Variants in GUK1 observed in about 807,000 individuals in gnomAD.
GUK1 encodes guanylate kinase.
In GUK1, 18 loss-of-function variants were observed where a neutral mutation model predicts 25.2. The observed-to-expected ratio is 0.71, with a 90% CI of 0.49 to 1.06. The LOEUF is 1.06. Among genes scored for constraint, GUK1 ranks in the 50% least tolerant of loss-of-function variants. The pLI, the probability that GUK1 is intolerant of heterozygous loss-of-function variation, is 0.00. For synonymous variants in GUK1, 105 were observed against 117.6 expected, an observed-to-expected ratio of 0.89 and a Z score of 0.69; for missense variants, 261 against 276.7, an observed-to-expected ratio of 0.94 and a Z score of 0.40.
intron 2 of GUK1, among the ~76,000 whole-genome samples, chr1:228,143,885 A>G (rs562520575): frequency 1.3e-5 from 2 of 152,152 alleles, no homozygotes; most frequent in South Asian, 4.2e-4. Flanking sequence ...GGCAGTAAGG[A>G]GGGAGGAGTC....
intron 4 of GUK1, chr1:228,146,537 C>G: frequency 2.1e-6 from 1 of 485,894 alleles, no homozygotes; most frequent in Non-Finnish European, 3.8e-6. Flanking sequence ...CCAGTTCCCC[C>G]ACCACCTTCC....
intron 7 of GUK1, 114 bp from the exon 7 acceptor site, chr1:228,148,257 C>T: frequency 1.2e-6 from 1 of 811,174 alleles, no homozygotes; most frequent in Non-Finnish European, 2.1e-6. Flanking sequence ...GGAAAGCTGT[C>T]CCACAGCCGC....
At chr1:228,146,995 C>T in intron 5 of GUK1, 57 bp downstream of exon 4, 1 of 1,119,386 alleles carries the variant, frequency 8.9e-7, no homozygotes, top group Non-Finnish European at 1.4e-6. Flanking sequence ...AACAGGGATC[C>T]AGGTAGTGCC....
intron 3 of GUK1, 145 bp from the exon 3 acceptor site, chr1:228,145,881 T>C (rs556124136): frequency 2.7e-6 from 2 of 744,530 alleles, no homozygotes; most frequent in East Asian, 2.6e-5. Context: ...AACCCTCGCC[T>C]TGTAGGCTCC....
rs2034027489 is a variant in GUK1 at position 228,141,283 on chromosome 1, CAGGAGGTAA to C, written c.-3_-3+8del. ...TGGCTCTGGAAGAGCCCGATTTCCT[CAGGAGGTAA>C]AGGAATGTTCCTGTCCCCCCCGGGG... On this transcript the variant is annotated splice_donor_variant and splice_donor_region_variant and 5_prime_UTR_variant and intron_variant, in exon 2 of 9. Transcript: ENST00000312726. LOFTEE classifies it low-confidence loss of function (5UTR_SPLICE). 1 of 982,170 alleles carries C rather than the reference CAGGAGGTAA, an allele frequency of 1.0e-6. No individual in the cohort carries two copies. Among genetic ancestry groups the C allele is most frequent in the African/African-American group, 1.7e-5 (1 of 57,176 alleles). The allele number at this position is 982,170 out of a possible 1,614,324, so 60.8% of individuals were successfully genotyped here.
rs760399405 is a variant in GUK1 at position 228,141,790 on chromosome 1, T to A, written c.-3+502T>A. Reference sequence around the variant, plus strand: ...CTGCGCCGGCGGCTCCCAGGAGACCTTCCATCTCGGAGCTCCTGTGGAGAC... The same window carrying A: ...CTGCGCCGGCGGCTCCCAGGAGACCATCCATCTCGGAGCTCCTGTGGAGAC... On this transcript the variant is annotated intron_variant, in intron 2 of 8. Transcript: ENST00000312726. The A allele has an allele frequency of 4.0e-6, 5 of 1,263,276 alleles. No homozygotes were observed. In the South Asian group the frequency reaches 6.6e-5, roughly 17 times the overall value. The allele number at this position is 1,263,276 out of a possible 1,614,324, so 78.3% of individuals were successfully genotyped here.
intron 2 of GUK1, chr1:228,141,670 C>G: frequency 2.4e-6 from 3 of 1,258,924 alleles, no homozygotes; most frequent in Non-Finnish European, 3.1e-6. Context: ...TATGCCGCCA[C>G]AGCAGGGAGT....
rs748069100 is a variant in GUK1 at position 228,147,711 on chromosome 1, G to T, written c.475+12G>T. On this transcript the variant is annotated intron_variant, in intron 7 of 8. Transcript: ENST00000312726. ...CGACATGGAGAGCAGTGAGTGTGCC[G>T]TGGGATCACCAGGGAATGCCAGGAG... The T allele has an allele frequency of 8.1e-6, 13 of 1,610,280 alleles. No individual in the cohort carries two copies. The highest frequency in any genetic ancestry group is 1.1e-5 in the Non-Finnish European group (13 of 1,177,930).
chr1:228,142,686 G>A (rs779221221), intron 2 of GUK1, among the ~76,000 whole-genome samples: 15 of 152,100 alleles, frequency 9.9e-5, no homozygotes, highest in Non-Finnish European at 1.8e-4. Flanking sequence ...TGCTGCTTGC[G>A]AGGAAAGGGG....
At chr1:228,148,321 G>A in intron 7 of GUK1, 50 bp from the exon 7 acceptor site, 1 of 1,297,952 alleles carries the variant, frequency 7.7e-7, no homozygotes. Flanking sequence ...TGGGACCTGG[G>A]GTGGGGCTGC....
Position 228,148,380 on chromosome 1 carries a change from C to T in GUK1, c.485C>T (p.Pro162Leu), listed in dbSNP as rs1457541400. 1.3e-6 allele frequency: 2 copies of T among 1,554,584 alleles called. No homozygotes were observed. Among genetic ancestry groups the T allele is most frequent in the African/African-American group, 1.4e-5 (1 of 73,386 alleles). The change falls in exon 8 of 9, where the codon CCC (proline) becomes CTC (leucine). Residue 162 changes from proline (P) to leucine (L), a missense_variant. Coordinates refer to ENST00000312726, the MANE Select transcript of GUK1 (RefSeq NM_000858.7). ...CAGGCCCCACCCACAGGCAAGGAGC[C>T]CGGCCTGTTTGATGTGGTCATCATT...
intron 3 of GUK1, 70 bp from the exon 3 acceptor site, chr1:228,145,956 T>C: frequency 8.6e-7 from 1 of 1,159,842 alleles, no homozygotes; most frequent in South Asian, 1.2e-5. Context: ...CTGTCGGGAC[T>C]GCAAGGGAAA....
chr1:228,146,204 G>A, intron 4 of GUK1, 137 bp downstream of exon 3: 1 of 642,306 alleles, frequency 1.6e-6, no homozygotes, highest in South Asian at 1.8e-5. Context: ...TTGCCTCCAA[G>A]GGCCGGTGAA....
chr1:228,145,405 C>A, intron 2 of GUK1, 106 bp from the exon 2 acceptor site: 1 of 1,193,090 alleles, frequency 8.4e-7, no homozygotes, highest in Non-Finnish European at 1.1e-6. Context: ...ATGTCTCCAT[C>A]CCTGGGTCAG....
intron 2 of GUK1, chr1:228,141,308 C>A: frequency 1.0e-6 from 1 of 967,534 alleles, no homozygotes; most frequent in Non-Finnish European, 1.2e-6. Context: ...TGTTCCTGTC[C>A]CCCCCGGGGA....
rs891570944 is a variant in GUK1 at position 228,148,116 on chromosome 1, C to G, written c.476-255C>G. 12 of 606,712 alleles carry G rather than the reference C, an allele frequency of 2.0e-5. No homozygotes were observed. In the East Asian group the frequency reaches 3.3e-4, roughly 17 times the overall value. 37.6% of individuals were successfully genotyped at this position (606,712 alleles called of 1,614,324 possible). A position where few individuals can be genotyped will look rare whatever the true frequency, so the allele number is the denominator to read the frequency against. ...TGTGTGTGTAGAGGATAGTGTAGCCCCTAACCAGAGTCCTGATGGGTGCTG... is the reference window on the plus strand; with the variant it reads ...TGTGTGTGTAGAGGATAGTGTAGCCGCTAACCAGAGTCCTGATGGGTGCTG... On this transcript the variant is annotated intron_variant, in intron 7 of 8. Coordinates refer to ENST00000312726, the MANE Select transcript of GUK1 (RefSeq NM_000858.7).
intron 8 of GUK1, 33 bp downstream of exon 7, chr1:228,148,489 C>T (rs1409055849): frequency 6.6e-7 from 1 of 1,518,398 alleles, no homozygotes; most frequent in Admixed American, 2.0e-5. Flanking sequence ...CTGGGCAAGG[C>T]CCAAGGGGAG....
chr1:228,148,316 C>T, intron 7 of GUK1, 55 bp from the exon 7 acceptor site: 1 of 1,252,264 alleles, frequency 8.0e-7, no homozygotes. Flanking sequence ...TCGTGTGGGA[C>T]CTGGGGTGGG....
In GUK1 at chr1:228,140,371, C is replaced by T. The variant is rs1196914425; in HGVS notation, c.-168+8C>T. The T allele has an allele frequency of 8.6e-6, 13 of 1,507,060 alleles. No homozygotes were observed. Among genetic ancestry groups the T allele is most frequent in the Non-Finnish European group, 1.1e-5 (12 of 1,135,390 alleles). The allele number at this position is 1,507,060 out of a possible 1,614,324, so 93.4% of individuals were successfully genotyped here. A position where few individuals can be genotyped will look rare whatever the true frequency, so the allele number is the denominator to read the frequency against. ...GCCGGGCCCCACCGGACGGTGAGTA[C>T]GACAAGCGCGATCGCGAGGGTGACT... On this transcript the variant is annotated splice_region_variant and intron_variant, in intron 1 of 8. Coordinates refer to ENST00000312726, the MANE Select transcript of GUK1 (RefSeq NM_000858.7).
Sources: allele counts gnomAD v4.1 joint callset (sites outside exome capture counted in the v4.1 genomes callset), GRCh38; gene constraint gnomAD v4.1.1; transcripts MANE v1.5; gene names NCBI Gene and HGNC (gene_info 2026-07-23, HGNC 2026-07-21).